The following JMJD1C variants were observed in gnomAD, a reference collection of about 807,000 sequenced individuals.
JMJD1C encodes the protein jumonji domain containing 1C.
In JMJD1C, 31 loss-of-function variants were observed where a neutral mutation model predicts 245.3. That is an observed-to-expected ratio of 0.13 (90% CI 0.09 to 0.17). JMJD1C has a LOEUF of 0.17. Among genes scored for constraint, JMJD1C ranks in the 10% least tolerant of loss-of-function variants. The pLI, the probability that JMJD1C is intolerant of heterozygous loss-of-function variation, is 1.00. For missense variants in JMJD1C, 2,691 were observed against 3,000.2 expected, an observed-to-expected ratio of 0.90 and a Z score of 2.41; for synonymous variants, 1,057 against 1,017.4, an observed-to-expected ratio of 1.04 and a Z score of -0.74.
chr10:63,412,885 T>C (rs1949569746), intron 1 of JMJD1C, among the ~76,000 whole-genome samples: 1 of 152,210 alleles, frequency 6.6e-6, no homozygotes, highest in East Asian at 1.9e-4. Context: ...TGCAATATAT[T>C]TATTTAAAAG....
At chr10:63,196,923 G>A (rs1320258753) in intron 13 of JMJD1C, among the ~76,000 whole-genome samples, 1 of 151,982 alleles carries the variant, frequency 6.6e-6, no homozygotes, top group Non-Finnish European at 1.5e-5. Flanking sequence ...CAGCCTCCCA[G>A]GTAATTGGGA....
At chr10:63,204,666 C>T (rs1184045378) in intron 10 of JMJD1C, 2 of 985,234 alleles carry the variant, frequency 2.0e-6, no homozygotes, top group African/African-American at 3.5e-5. Context: ...TGTATATAAT[C>T]CAATATTCAA....
At chr10:63,314,338 T>C (rs1206110509) in intron 2 of JMJD1C, among the ~76,000 whole-genome samples, 3 of 152,220 alleles carry the variant, frequency 2.0e-5, no homozygotes, top group Non-Finnish European at 1.5e-5. Context: ...GGCATGCAGA[T>C]TGCTTGAGTC....
At chr10:63,257,816 T>C (rs750777902) in intron 3 of JMJD1C, among the ~76,000 whole-genome samples, 3 of 152,212 alleles carry the variant, frequency 2.0e-5, no homozygotes, top group Non-Finnish European at 2.9e-5. Flanking sequence ...CTTACCTACT[T>C]ATTCTTCATA....
intron 10 of JMJD1C, chr10:63,203,470 T>C: frequency 2.0e-6 from 2 of 985,260 alleles, no homozygotes; most frequent in Middle Eastern, 5.2e-4. Context: ...ATCTCTGATA[T>C]GCCACCCCCT....
intron 2 of JMJD1C, among the ~76,000 whole-genome samples, chr10:63,331,022 C>G (rs998707687): frequency 1.3e-5 from 2 of 152,174 alleles, no homozygotes; most frequent in Non-Finnish European, 2.9e-5. Context: ...ACTTCATTAT[C>G]TTCAAGTATC....
chr10:63,267,911 C>G (rs1278494595), intron 2 of JMJD1C, among the ~76,000 whole-genome samples: 2 of 152,162 alleles, frequency 1.3e-5, no homozygotes, highest in East Asian at 1.9e-4. Flanking sequence ...GCACCACATT[C>G]CATTCACATG....
At chr10:63,504,037 T>A (rs1330101474) in intron 1 of JMJD1C, among the ~76,000 whole-genome samples, 1 of 152,172 alleles carries the variant, frequency 6.6e-6, no homozygotes, top group African/African-American at 2.4e-5. Flanking sequence ...ACCCTTAAAC[T>A]GATCATTCTG....
At chr10:63,455,516 G>T (rs1471212065) in intron 1 of JMJD1C, among the ~76,000 whole-genome samples, 1 of 152,058 alleles carries the variant, frequency 6.6e-6, no homozygotes, top group South Asian at 2.1e-4. Context: ...CTCATGAAGT[G>T]ATACTTCATA....
chr10:63,456,448 A>G (rs1327097927), intron 1 of JMJD1C, among the ~76,000 whole-genome samples: 1 of 152,110 alleles, frequency 6.6e-6, no homozygotes, highest in Non-Finnish European at 1.5e-5. Context: ...TGTTAAATAT[A>G]CAGTCATTTT....
rs530182080 is a variant in JMJD1C, at chr10:63,387,247, A to G, written c.169-6765T>C. Reference sequence around the variant, plus strand: ...CTGATGCATAGATATCAATGTAGAAATAAAAGAAACAAGAAGAAGCAAGAA... The same window carrying G: ...CTGATGCATAGATATCAATGTAGAAGTAAAAGAAACAAGAAGAAGCAAGAA... On this transcript the variant is annotated intron_variant, in intron 1 of 25. Transcript: ENST00000399262. Among the ~76,000 whole-genome samples, 5 of 152,340 alleles carry G rather than the reference A, an allele frequency of 3.3e-5. No homozygotes were observed. The South Asian group carries it at 1.0e-3, about 32-fold the overall frequency.
chr10:63,265,949 C>T (rs139645379), intron 2 of JMJD1C, among the ~76,000 whole-genome samples: 2 of 152,084 alleles, frequency 1.3e-5, no homozygotes, highest in Admixed American at 1.3e-4. Context: ...CAGGGAAAAA[C>T]TTCAAGATGT....
At chr10:63,175,559 G>A (rs1254264144) in intron 24 of JMJD1C, among the ~76,000 whole-genome samples, 6 of 152,196 alleles carry the variant, frequency 3.9e-5, no homozygotes. Context: ...TATATAAAAT[G>A]TGAGAAAGTT....
At chr10:63,244,824 G>C (rs138176953) in intron 3 of JMJD1C, among the ~76,000 whole-genome samples, 1 of 142,634 alleles carries the variant, frequency 7.0e-6, no homozygotes, top group East Asian at 2.2e-4. Flanking sequence ...AAAAGGGGGG[G>C]GGAGGGGGGA....
chr10:63,334,597 T>G (rs1157411794), intron 2 of JMJD1C, among the ~76,000 whole-genome samples: 1 of 152,070 alleles, frequency 6.6e-6, no homozygotes, highest in African/African-American at 2.4e-5. Context: ...TGGTATGTGC[T>G]ATAGTCCCAG....
In JMJD1C at chr10:63,240,918, GT is replaced by G. The variant is rs1338911361; in HGVS notation, c.448-20936del. Among the ~76,000 whole-genome samples, 4 of 152,196 alleles carry G rather than the reference GT, an allele frequency of 2.6e-5. No homozygotes were observed. In the East Asian group the frequency reaches 7.7e-4, roughly 29 times the overall value. ...AAGAACTGGAACAAAAAAATACACT[GT>G]TTTCAGCAATTATACCATTGGTGGT... On this transcript the variant is annotated intron_variant, in intron 3 of 25. Transcript: ENST00000399262.
chr10:63,181,468 T>A (rs1843469014), intron 22 of JMJD1C, among the ~76,000 whole-genome samples: 1 of 152,142 alleles, frequency 6.6e-6, no homozygotes, highest in East Asian at 1.9e-4. Context: ...CAGGAAGACA[T>A]GGAGCTAAAA....
intron 1 of JMJD1C, among the ~76,000 whole-genome samples, chr10:63,382,352 T>A (rs918869066): frequency 6.6e-6 from 1 of 152,140 alleles, no homozygotes; most frequent in South Asian, 2.1e-4. Flanking sequence ...GACTTTATGC[T>A]AATAAAACAT....
intron 22 of JMJD1C, among the ~76,000 whole-genome samples, chr10:63,181,614 G>C (rs1342673533): frequency 6.6e-6 from 1 of 152,168 alleles, no homozygotes; most frequent in African/African-American, 2.4e-5. Flanking sequence ...TAAAGAAAGA[G>C]AGCAAAAGGA....
Sources: allele counts gnomAD v4.1 joint callset (sites outside exome capture counted in the v4.1 genomes callset), GRCh38; gene constraint gnomAD v4.1.1; transcripts MANE v1.5; gene names NCBI Gene and HGNC (gene_info 2026-07-23, HGNC 2026-07-21).